TRAPPC8: variants seen among roughly 807,000 people sequenced by gnomAD.
The protein encoded by TRAPPC8 is general sporulation gene 1 homolog.
In TRAPPC8, 54 loss-of-function variants were observed where a neutral mutation model predicts 174.3. The ratio of observed to expected loss-of-function variants is 0.31; its 90% CI spans 0.25 to 0.39. The LOEUF is 0.39. Ranked by LOEUF, TRAPPC8 falls within the 10% of genes least tolerant of loss-of-function variation. TRAPPC8 has a pLI of 1.00. For missense variants in TRAPPC8, 1,531 were observed against 1,699.1 expected (o/e 0.90, Z 1.74); for synonymous variants, 630 against 579.9 (o/e 1.09, Z -1.24).
rs759373109 is a variant in TRAPPC8, at chr18:31,839,441, T to C, written c.3854A>G (p.Glu1285Gly). The change falls in exon 27 of 29, where the codon GAA (glutamate) becomes GGA (glycine). Residue 1285 changes from glutamate (E) to glycine (G), a missense_variant. Physicochemically the swap from Glu to Gly is moderately conservative, Grantham distance 98. Coordinates refer to ENST00000283351, the MANE Select transcript of TRAPPC8 (RefSeq NM_014939.5). ...TTCTGGCCTGAAAAATTTCAATAGT[T>C]CCATTTCTGGTGGCTCCTGAGAAAA... is the stretch of plus-strand genomic sequence containing the variant. ...YPQKQEPPEM[E>G]LLKFFRPENI... 6.3e-7 allele frequency: 1 copy of C among 1,598,520 alleles called. No homozygotes were observed. The highest frequency in any genetic ancestry group is 1.2e-5 in the South Asian group (1 of 86,310).
At chr18:31,858,458 C>G (rs1032102719) in intron 19 of TRAPPC8, among the ~76,000 whole-genome samples, 2 of 152,118 alleles carry the variant, frequency 1.3e-5, no homozygotes, top group African/African-American at 4.8e-5. Context: ...GATTTCATAT[C>G]CATAATTTTA....
Position 31,830,973 on chromosome 18 carries a change from T to C in TRAPPC8, c.4090A>G (p.Ile1364Val). The C allele has an allele frequency of 6.2e-7, 1 of 1,612,088 alleles. No homozygotes were observed. Among genetic ancestry groups the C allele is most frequent in the Non-Finnish European group, 8.5e-7 (1 of 1,178,510 alleles). Residue 1364 changes from isoleucine to valine, a missense_variant, in exon 29 of 29, where the codon ATC becomes GTC. By Grantham distance (29) the Ile-to-Val change is conservative (BLOSUM62 3). Coordinates refer to ENST00000283351, the MANE Select transcript of TRAPPC8 (RefSeq NM_014939.5). ...HKTTSPEALE[I>V]HGSFTWLGQT... ...CCAAGCCATGTGAATGATCCATGGA[T>C]TTCCAGTGCTTCTGGACTAAGGGAG...
intron 2 of TRAPPC8, among the ~76,000 whole-genome samples, chr18:31,919,739 T>C (rs536267967): frequency 3.3e-5 from 5 of 151,560 alleles, no homozygotes; most frequent in Admixed American, 6.6e-5. Flanking sequence ...TGCATGCCTG[T>C]AGTCCCAGCT....
At chr18:31,923,309 C>T (rs1170362009) in intron 2 of TRAPPC8, among the ~76,000 whole-genome samples, 2 of 151,856 alleles carry the variant, frequency 1.3e-5, no homozygotes, top group Admixed American at 6.6e-5. Context: ...ACAACAGAAA[C>T]GAAGTAGGTG....
At chr18:31,854,879 T>C (rs566691787) in intron 21 of TRAPPC8, among the ~76,000 whole-genome samples, 36 of 136,190 alleles carry the variant, frequency 2.6e-4, no homozygotes, top group African/African-American at 9.4e-4. Context: ...GGCAGGAGAA[T>C]GGCATGAACC....
At chr18:31,929,744 G>A (rs1313811266) in intron 2 of TRAPPC8, among the ~76,000 whole-genome samples, 1 of 152,136 alleles carries the variant, frequency 6.6e-6, no homozygotes, top group Non-Finnish European at 1.5e-5. Context: ...GACTATGGTA[G>A]TACAAAAACT....
intron 26 of TRAPPC8, among the ~76,000 whole-genome samples, chr18:31,844,102 A>T (rs2033255892): frequency 6.6e-6 from 1 of 152,164 alleles, no homozygotes; most frequent in Non-Finnish European, 1.5e-5. Context: ...CCTAAAATCA[A>T]CCATTTTTCC....
At position 31,873,386 on chromosome 18, in the gene TRAPPC8, T is replaced by G. The variant is rs565993018; in HGVS notation, c.2062+44A>C. ...ATGGAGAAAGGAAAAGAAGTTTTTT[T>G]TAAATTGTCATTAGGTAATTAGGCT... On this transcript the variant is annotated intron_variant, in intron 14 of 28. Transcript: ENST00000283351. 1.1e-5 allele frequency: 16 copies of G among 1,476,278 alleles called. 1 individual carries two copies. In the Admixed American group the frequency reaches 2.3e-4, roughly 21 times the overall value. 91.4% of individuals were successfully genotyped at this position (1,476,278 alleles called of 1,614,324 possible).
rs544977061 is a variant in TRAPPC8 at position 31,859,631 on chromosome 18, A to G, written c.2746-1649T>C. The stretch of plus-strand genomic sequence containing the variant: ...AGGTTACAGCATTGGTAAAATGGTA[A>G]CAGTGATAGAACACATAAAAGACTA... On this transcript the variant is annotated intron_variant, in intron 19 of 28. Transcript: ENST00000283351. 6.6e-5 allele frequency among the ~76,000 whole-genome samples: 10 copies of G among 152,354 alleles called. No homozygotes were observed. The South Asian group carries it at 1.9e-3, about 28-fold the overall frequency.
intron 5 of TRAPPC8, among the ~76,000 whole-genome samples, chr18:31,912,741 A>G (rs1025888107): frequency 1.3e-5 from 2 of 152,218 alleles, no homozygotes; most frequent in African/African-American, 4.8e-5. Context: ...GTAGGCATTC[A>G]TAATGAATTA....
chr18:31,839,267 C>A, intron 27 of TRAPPC8, 45 bp downstream of exon 27: 1 of 1,559,762 alleles, frequency 6.4e-7, no homozygotes, highest in Non-Finnish European at 8.7e-7. Context: ...AATACACGTG[C>A]CAGTGTGTTG....
chr18:31,913,947 C>G (rs2037024973), intron 4 of TRAPPC8, among the ~76,000 whole-genome samples: 1 of 152,018 alleles, frequency 6.6e-6, no homozygotes, highest in African/African-American at 2.4e-5. Flanking sequence ...GGGAAGATCA[C>G]TTCAAGTCAG....
At chr18:31,933,020 A>AAAAAAAG (rs1568153937) in intron 1 of TRAPPC8, among the ~76,000 whole-genome samples, 4 of 128,952 alleles carry the variant, frequency 3.1e-5, no homozygotes, top group African/African-American at 1.2e-4. Flanking sequence ...AAAAAAAAAA[A>AAAAAAAG]GCCGGGCGCA....
intron 11 of TRAPPC8, 65 bp from the exon 12 acceptor site, chr18:31,890,931 GA>G (rs1337953029): frequency 1.4e-6 from 2 of 1,463,820 alleles, no homozygotes; most frequent in Non-Finnish European, 1.8e-6. Context: ...GATAACTAGT[GA>G]AAAAAACATT....
At position 31,874,554 on chromosome 18, in the gene TRAPPC8, T is replaced by C. The variant is rs2035047413; in HGVS notation, c.1879A>G (p.Ile627Val). Residue 627 changes from isoleucine (I) to valine (V), a missense_variant, in exon 13 of 29, where the codon ATT becomes GTT. Physicochemically the swap from Ile to Val is conservative, Grantham distance 29. Transcript: ENST00000283351. ...GATTGTTTACTTTCATTAATTAGAA[T>C]ATGCCTAAAAGCAGACACAGCATTA... ...LDNAVSAFRH[I>V]LINESKQSAA... 1 of 1,614,142 alleles carries C rather than the reference T, an allele frequency of 6.2e-7. No homozygotes were observed. The highest frequency in any genetic ancestry group is 8.5e-7 in the Non-Finnish European group (1 of 1,180,016).
At chr18:31,916,664 C>G (rs998777055) in intron 3 of TRAPPC8, among the ~76,000 whole-genome samples, 1 of 152,104 alleles carries the variant, frequency 6.6e-6, no homozygotes, top group African/African-American at 2.4e-5. Flanking sequence ...TCCAGAGTAG[C>G]TGGGATTATA....
intron 20 of TRAPPC8, among the ~76,000 whole-genome samples, chr18:31,857,318 GAC>G (rs1169392915): frequency 2.6e-5 from 4 of 152,112 alleles, no homozygotes; most frequent in African/African-American, 9.7e-5. Context: ...GAAGTTTACA[GAC>G]AGAAGCAACT....
chr18:31,914,470 C>T (rs1041416296), intron 4 of TRAPPC8, among the ~76,000 whole-genome samples: 1 of 152,174 alleles, frequency 6.6e-6, no homozygotes, highest in Non-Finnish European at 1.5e-5. Context: ...AAGACACACT[C>T]CAAATTGAAC....
At chr18:31,889,419 A>C (rs2035861739) in intron 12 of TRAPPC8, among the ~76,000 whole-genome samples, 1 of 152,232 alleles carries the variant, frequency 6.6e-6, no homozygotes, top group Non-Finnish European at 1.5e-5. Flanking sequence ...TAGAAAAATG[A>C]CGACTTATTT....
Sources: allele counts gnomAD v4.1 joint callset (sites outside exome capture counted in the v4.1 genomes callset), GRCh38; gene constraint gnomAD v4.1.1; transcripts MANE v1.5; gene names NCBI Gene and HGNC (gene_info 2026-07-23, HGNC 2026-07-21).